The following LDB2 variants were observed in gnomAD, a reference collection of about 807,000 sequenced individuals.
LDB2 encodes the protein LIM domain binding 2, also known as LIM domain-binding protein 2.
LDB2 carries 12 observed loss-of-function variants against 44.3 expected under a neutral mutation model. The ratio of observed to expected loss-of-function variants is 0.27; its 90% CI spans 0.17 to 0.44. The LOEUF is 0.44. Ranked by LOEUF, LDB2 falls within the 20% of genes least tolerant of loss-of-function variation. The pLI, the probability that LDB2 is intolerant of heterozygous loss-of-function variation, is 1.00. For missense variants in LDB2, 344 were observed against 473.5 expected (o/e 0.73, Z 2.54); for synonymous variants, 164 against 174.8 (o/e 0.94, Z 0.49).
chr4:16,777,881 C>G (rs190247063), intron 1 of LDB2, among the ~76,000 whole-genome samples: 1 of 152,144 alleles, frequency 6.6e-6, no homozygotes, highest in Non-Finnish European at 1.5e-5. Flanking sequence ...TATTAGCTAT[C>G]ACTTTCTTTT....
At chr4:16,686,294 T>G (rs1749222846) in intron 2 of LDB2, among the ~76,000 whole-genome samples, 1 of 152,170 alleles carries the variant, frequency 6.6e-6, no homozygotes, top group African/African-American at 2.4e-5. Flanking sequence ...AATGCACAAT[T>G]AGGAAGAAGT....
chr4:16,876,157 G>A (rs746450784), intron 1 of LDB2, among the ~76,000 whole-genome samples: 5 of 152,152 alleles, frequency 3.3e-5, no homozygotes, highest in Non-Finnish European at 5.9e-5. Flanking sequence ...TGGATAAACC[G>A]ACTATGCTAG....
At chr4:16,696,551 G>A (rs1752175046) in intron 2 of LDB2, among the ~76,000 whole-genome samples, 1 of 152,148 alleles carries the variant, frequency 6.6e-6, no homozygotes, top group South Asian at 2.1e-4. Flanking sequence ...TGATTTCTGT[G>A]AGGAGTGGGA....
At chr4:16,876,268 A>G (rs1718361550) in intron 1 of LDB2, among the ~76,000 whole-genome samples, 1 of 152,238 alleles carries the variant, frequency 6.6e-6, no homozygotes, top group South Asian at 2.1e-4. Context: ...TTGATTGATA[A>G]TTTATGCAAT....
intron 1 of LDB2, among the ~76,000 whole-genome samples, chr4:16,881,357 G>C (rs1720037871): frequency 6.6e-6 from 1 of 152,208 alleles, no homozygotes; most frequent in South Asian, 2.1e-4. Flanking sequence ...TATCACAGTA[G>C]TGTGTGGCTT....
intron 1 of LDB2, among the ~76,000 whole-genome samples, chr4:16,769,949 G>A (rs1298713049): frequency 2.0e-5 from 3 of 152,126 alleles, no homozygotes; most frequent in Admixed American, 6.5e-5. Flanking sequence ...TTCAGTAGAA[G>A]TTACATCAGT....
At chr4:16,587,552 C>G (rs1717437956) in intron 4 of LDB2, among the ~76,000 whole-genome samples, 1 of 151,994 alleles carries the variant, frequency 6.6e-6, no homozygotes, top group Non-Finnish European at 1.5e-5. Context: ...CTTTAAAAAC[C>G]AAGGGCTTGG....
At chr4:16,805,478 G>A (rs1778602949) in intron 1 of LDB2, among the ~76,000 whole-genome samples, 1 of 152,178 alleles carries the variant, frequency 6.6e-6, no homozygotes, top group Admixed American at 6.5e-5. Context: ...CTTATTCAGG[G>A]TGTCCAGTGT....
chr4:16,743,941 T>C (rs1013210115), intron 2 of LDB2, among the ~76,000 whole-genome samples: 2 of 152,178 alleles, frequency 1.3e-5, no homozygotes, highest in African/African-American at 2.4e-5. Flanking sequence ...ACCTATCAAA[T>C]AGATTGTCTC....
chr4:16,560,148 T>G (rs1002774916), intron 5 of LDB2, among the ~76,000 whole-genome samples: 5 of 151,968 alleles, frequency 3.3e-5, no homozygotes. Flanking sequence ...AAAGTCACAA[T>G]TAAAAGAACT....
At chr4:16,565,434 A>G (rs1047913161) in intron 5 of LDB2, among the ~76,000 whole-genome samples, 7 of 151,402 alleles carry the variant, frequency 4.6e-5, no homozygotes. Flanking sequence ...AAAATTCGAC[A>G]TCCATTTTTT....
Position 16,663,646 on chromosome 4 carries a change from T to C in LDB2, c.236-67771A>G, listed in dbSNP as rs187223247. Among the ~76,000 whole-genome samples the C allele has an allele frequency of 3.3e-5, 5 of 152,362 alleles. No individual in the cohort carries two copies. In the East Asian group the frequency reaches 9.6e-4, roughly 29 times the overall value. On this transcript the variant is annotated intron_variant, in intron 2 of 7. Coordinates refer to ENST00000304523, the MANE Select transcript of LDB2 (RefSeq NM_001290.5). Reference sequence around the variant, plus strand: ...CCTGTTTACGTTTGTGTCCTTGGTGTTGAGCACAGGGTAGCTAGTAAATAA... The same window carrying C: ...CCTGTTTACGTTTGTGTCCTTGGTGCTGAGCACAGGGTAGCTAGTAAATAA...
chr4:16,669,139 G>A (rs1744082901), intron 2 of LDB2, among the ~76,000 whole-genome samples: 1 of 152,114 alleles, frequency 6.6e-6, no homozygotes, highest in African/African-American at 2.4e-5. Flanking sequence ...CATCTACCAG[G>A]GACCTCACAA....
At chr4:16,783,333 G>T (rs754579250) in intron 1 of LDB2, among the ~76,000 whole-genome samples, 5 of 152,230 alleles carry the variant, frequency 3.3e-5, no homozygotes, top group Admixed American at 2.0e-4. Flanking sequence ...TGGTCAGGAA[G>T]GGGGAGCCCC....
chr4:16,794,751 G>T (rs1776397552), intron 1 of LDB2, among the ~76,000 whole-genome samples: 1 of 152,210 alleles, frequency 6.6e-6, no homozygotes, highest in African/African-American at 2.4e-5. Context: ...TTACATAAAT[G>T]ACAATTTTGG....
At chr4:16,799,927 T>G (rs1579780225) in intron 1 of LDB2, among the ~76,000 whole-genome samples, 1 of 152,246 alleles carries the variant, frequency 6.6e-6, no homozygotes, top group African/African-American at 2.4e-5. Flanking sequence ...CTCATGTTTT[T>G]ATTTGGGAAA....
chr4:16,700,130 C>T (rs919981316), intron 2 of LDB2, among the ~76,000 whole-genome samples: 1 of 152,070 alleles, frequency 6.6e-6, no homozygotes, highest in Non-Finnish European at 1.5e-5. Flanking sequence ...TTCCTTCGAC[C>T]CTCACATCAG....
chr4:16,749,213 G>A (rs997277435), intron 2 of LDB2, among the ~76,000 whole-genome samples: 2 of 149,612 alleles, frequency 1.3e-5, no homozygotes, highest in Non-Finnish European at 2.9e-5. Flanking sequence ...ATGGTCCAAA[G>A]CACCAAAGAC....
chr4:16,519,524 TTG>T (rs1283554274), intron 5 of LDB2, among the ~76,000 whole-genome samples: 12 of 151,802 alleles, frequency 7.9e-5, no homozygotes, highest in Non-Finnish European at 4.4e-5. Flanking sequence ...TTCACTGTTT[TTG>T]TGTTTCTCTT....
Sources: gnomAD v4.1 joint callset for allele counts (sites outside exome capture counted in the v4.1 genomes callset) on GRCh38, gnomAD v4.1.1 for gene constraint, MANE v1.5 for transcripts, NCBI Gene and HGNC (gene_info 2026-07-23, HGNC 2026-07-21) for gene names.